Variants in TBL3 observed in about 807,000 individuals in gnomAD.
The protein encoded by TBL3 is transducin beta like 3, also known as transducin beta-like protein 3.
Under a neutral mutation model 102.7 loss-of-function variants are expected in TBL3, and 71 were observed. The ratio of observed to expected loss-of-function variants is 0.69; its 90% confidence interval spans 0.57 to 0.84. The LOEUF is 0.84. TBL3 is among the 40% of genes least tolerant of loss of function. The probability of loss-of-function intolerance (pLI) is 0.00; values close to 1 mark genes in which losing one functional copy is unlikely to be tolerated. For synonymous variants in TBL3, 578 were observed against 477.7 expected (o/e 1.21, Z -2.74); for missense variants, 1,188 against 1,098.5 (o/e 1.08, Z -1.15).
In TBL3 at chr16:1,974,961, G is replaced by A. The variant is rs1224055177; in HGVS notation, c.498G>A (p.Leu166=). ...LVAFHPDPTR[L]LLFSSATDAA... ...CCTTCCACCCGGACCCTACACGCCT[G>A]CTGCTCTTCTCCTCGGCCACGGATG... is the stretch of plus-strand genomic sequence containing the variant. Residue 166 remains leucine (L), a synonymous_variant, in exon 7 of 22, where the codon CTG becomes CTA. Coordinates refer to ENST00000568546, the MANE Select transcript of TBL3 (RefSeq NM_006453.3). The A allele has an allele frequency of 6.2e-7, 1 of 1,610,100 alleles. No individual in the cohort carries two copies. Among genetic ancestry groups the A allele is most frequent in the East Asian group, 2.2e-5 (1 of 44,874 alleles).
Position 1,978,785 on chromosome 16 carries a change from C to A in TBL3, c.*100C>A, listed in dbSNP as rs1038815441. The A allele has an allele frequency of 1.6e-5, 23 of 1,453,354 alleles. No homozygotes were observed. In the Admixed American group the frequency reaches 4.0e-4, roughly 26 times the overall value. The allele number at this position is 1,453,354 out of a possible 1,614,324, so 90.0% of individuals were successfully genotyped here. ...CTCTCTGGACTGCAGTCCAGCCCCC[C>A]ACCCTGGCCAACACCCTACCTAGCC... On this transcript the variant is annotated 3_prime_UTR_variant, in exon 22 of 22. Coordinates refer to ENST00000568546, the MANE Select transcript of TBL3 (RefSeq NM_006453.3).
chr16:1,974,244 C>G lies in TBL3; in HGVS notation c.141C>G (p.Val47=), dbSNP rs1567324058. The stretch of plus-strand genomic sequence containing the variant: ...TCTTCTGCGTCTGTGGCACCAGAGT[C>G]AACATTCTGGAAGTGGCCTCGGGGG... ...QHLFCVCGTR[V]NILEVASGAV... Residue 47 remains valine (V), a synonymous_variant, in exon 3 of 22, where the codon GTC becomes GTG. Coordinates refer to ENST00000568546, the MANE Select transcript of TBL3 (RefSeq NM_006453.3). 6.2e-7 allele frequency: 1 copy of G among 1,604,176 alleles called. No individual in the cohort carries two copies. Among genetic ancestry groups the G allele is most frequent in the Non-Finnish European group, 8.5e-7 (1 of 1,174,350 alleles).
At position 1,980,800 on chromosome 16, in the gene TBL3, C is replaced by T. The variant is rs900919218; in HGVS notation, c.*2115C>T. 35 of 1,509,728 alleles carry T rather than the reference C, an allele frequency of 2.3e-5. No individual in the cohort carries two copies. The highest frequency in any genetic ancestry group is 3.0e-5 in the Non-Finnish European group (33 of 1,106,146). 93.5% of individuals were successfully genotyped at this position (1,509,728 alleles called of 1,614,324 possible). On this transcript the variant is annotated 3_prime_UTR_variant, in exon 22 of 22. Transcript: ENST00000568546. Reference sequence around the variant, plus strand: ...GCACCCTTGAGAGGGCGGGGTCCCTCACCCGGATGGCAGGGGCTGGGAGCT... The same window carrying T: ...GCACCCTTGAGAGGGCGGGGTCCCTTACCCGGATGGCAGGGGCTGGGAGCT...
chr16:1,978,989 CCCTCCCCGCT>C lies in TBL3; in HGVS notation c.*312_*321del. The C allele has an allele frequency of 6.9e-7, 1 of 1,443,234 alleles. No individual in the cohort carries two copies. Among genetic ancestry groups the C allele is most frequent in the South Asian group, 1.3e-5 (1 of 77,620 alleles). 89.4% of individuals were successfully genotyped at this position (1,443,234 alleles called of 1,614,324 possible). A position where few individuals can be genotyped will look rare whatever the true frequency, so the allele number is the denominator to read the frequency against. On this transcript the variant is annotated 3_prime_UTR_variant, in exon 22 of 22. Coordinates refer to ENST00000568546, the MANE Select transcript of TBL3 (RefSeq NM_006453.3). The stretch of plus-strand genomic sequence containing the variant: ...CATCCCTGCTGGCCAGGGAGATCCG[CCCTCCCCGCT>C]CCTCCCCAGCCCTGGGATGGCGCGG...
Position 1,978,653 on chromosome 16 carries a change from C to G in TBL3, c.2395C>G (p.Pro799Ala), listed in dbSNP as rs1362400642. The G allele has an allele frequency of 1.9e-5, 31 of 1,612,448 alleles. No homozygotes were observed. The highest frequency in any genetic ancestry group is 5.0e-5 in the Admixed American group (3 of 59,992). Residue 799 changes from proline to alanine, a missense_variant, in exon 22 of 22, where the codon CCC becomes GCC. Pro to Ala is a conservative substitution (Grantham distance 27). Transcript: ENST00000568546. ...CCCTGTGCCGGCCGCCGCCCCCACC[C>G]CCTGGGAAACCCATAAAGGCGCACT... ...KLPVPAAAPT[P>A]WETHKGALP is the part of the protein sequence containing the mutation.
In TBL3 at chr16:1,980,660, A is replaced by C. The variant is rs773065486; in HGVS notation, c.*1975A>C. 21 of 1,605,948 alleles carry C rather than the reference A, an allele frequency of 1.3e-5. No homozygotes were observed. Among genetic ancestry groups the C allele is most frequent in the Middle Eastern group, 1.6e-4 (1 of 6,072 alleles). On this transcript the variant is annotated 3_prime_UTR_variant, in exon 22 of 22. Coordinates refer to ENST00000568546, the MANE Select transcript of TBL3 (RefSeq NM_006453.3). ...CCGTACCCAGGCTGGCCTGACCGAGAAGCTTTGGGAGAACGCGGTCAGATC... is the reference window on the plus strand; with the variant it reads ...CCGTACCCAGGCTGGCCTGACCGAGCAGCTTTGGGAGAACGCGGTCAGATC...
chr16:1,975,947 C>T lies in TBL3; in HGVS notation c.1127C>T (p.Thr376Met), dbSNP rs149329682. ...GCCTGCCAGATCCTCCACGGCCACA[C>T]GGGTGAGTGGGGCCAGCCCACCTGA... ...TSACQILHGH[T>M]DIVLALDVFR... Residue 376 changes from threonine (T) to methionine (M), a missense_variant and splice_region_variant, in exon 11 of 22, where the codon ACG becomes ATG. Physicochemically the swap from Thr to Met is moderately conservative, Grantham distance 81 (BLOSUM62 -1). Coordinates refer to ENST00000568546, the MANE Select transcript of TBL3 (RefSeq NM_006453.3). 5.7e-5 allele frequency: 92 copies of T among 1,614,174 alleles called. No homozygotes were observed. The highest frequency in any genetic ancestry group is 1.6e-4 in the Middle Eastern group (1 of 6,062).
In TBL3 at chr16:1,981,128, T is replaced by A. The variant is rs2083500673; in HGVS notation, c.*2443T>A. ...CCAGGTCTTACTTGGAGCCTCTTGATCTGCACCAGGGCTGCCCCTTGCACT... is the reference window on the plus strand; with the variant it reads ...CCAGGTCTTACTTGGAGCCTCTTGAACTGCACCAGGGCTGCCCCTTGCACT... On this transcript the variant is annotated 3_prime_UTR_variant, in exon 22 of 22. Coordinates refer to ENST00000568546, the MANE Select transcript of TBL3 (RefSeq NM_006453.3). 2 of 1,613,362 alleles carry A rather than the reference T, an allele frequency of 1.2e-6. No individual in the cohort carries two copies. The highest frequency in any genetic ancestry group is 1.7e-6 in the Non-Finnish European group (2 of 1,179,996).
In TBL3 at chr16:1,980,070, G is replaced by C. The variant is rs1428973106; in HGVS notation, c.*1385G>C. 46 of 1,607,644 alleles carry C rather than the reference G, an allele frequency of 2.9e-5. No homozygotes were observed. The highest frequency in any genetic ancestry group is 3.9e-5 in the Non-Finnish European group (46 of 1,178,562). On this transcript the variant is annotated 3_prime_UTR_variant, in exon 22 of 22. Coordinates refer to ENST00000568546, the MANE Select transcript of TBL3 (RefSeq NM_006453.3). ...GAAAAGGCCTATCCCGCGTGTCCTG[G>C]GTACAGAAGGGCTGCAGGCAGCGCA...
chr16:1,978,234 C>T lies in TBL3; in HGVS notation c.2134+14C>T. 6 of 1,612,752 alleles carry T rather than the reference C, an allele frequency of 3.7e-6. No individual in the cohort carries two copies. Among genetic ancestry groups the T allele is most frequent in the Non-Finnish European group, 5.1e-6 (6 of 1,179,914 alleles). On this transcript the variant is annotated intron_variant, in intron 20 of 21. Transcript: ENST00000568546. The stretch of plus-strand genomic sequence containing the variant: ...GCGACCAGAAAGGTTGGCGGCCAGT[C>T]AGGGTGGGTGGCCCGGTGGGCAAGG...
chr16:1,972,608 G>A (rs567497578), intron 1 of TBL3, among the ~76,000 whole-genome samples: 26 of 152,356 alleles, frequency 1.7e-4, no homozygotes, highest in African/African-American at 6.3e-4. Flanking sequence ...AGGGAGCAGG[G>A]AGAATGCAGG....
chr16:1,977,585 A>C lies in TBL3; in HGVS notation c.1814A>C (p.Glu605Ala), dbSNP rs1567326393. ...TGTGTGCGGACGCTGGATGCCCACG[A>C]GGACAAGGTCTGGGGGCTGCACTGC... ...NECVRTLDAH[E>A]DKVWGLHCSR... The change falls in exon 17 of 22, where the codon GAG (glutamate) becomes GCG (alanine). Residue 605 changes from glutamate to alanine, a missense_variant. Transcript: ENST00000568546. The C allele has an allele frequency of 6.3e-7, 1 of 1,577,366 alleles. No individual in the cohort carries two copies. Among genetic ancestry groups the C allele is most frequent in the Non-Finnish European group, 8.6e-7 (1 of 1,160,666 alleles).
At position 1,974,990 on chromosome 16, in the gene TBL3, C is replaced by T. The variant is rs767198693; in HGVS notation, c.527C>T (p.Ala176Val). 1.2e-6 allele frequency: 2 copies of T among 1,608,024 alleles called. No homozygotes were observed. Among genetic ancestry groups the T allele is most frequent in the South Asian group, 1.1e-5 (1 of 91,088 alleles). Reference sequence around the variant, plus strand: ...CTCTTCTCCTCGGCCACGGATGCCGCCATCCGCGTGTGGTCACTGCAGGAC... The same window carrying T: ...CTCTTCTCCTCGGCCACGGATGCCGTCATCCGCGTGTGGTCACTGCAGGAC... The part of the protein sequence containing the change: ...LLLFSSATDA[A>V]IRVWSLQDRS... Residue 176 changes from alanine to valine, a missense_variant, in exon 7 of 22, where the codon GCC becomes GTC. Coordinates refer to ENST00000568546, the MANE Select transcript of TBL3 (RefSeq NM_006453.3).
At position 1,975,575 on chromosome 16, in the gene TBL3, G is replaced by A. The variant is rs371993180; in HGVS notation, c.852G>A (p.Thr284=). Residue 284 remains threonine, a synonymous_variant, in exon 10 of 22, where the codon ACG becomes ACA. Coordinates refer to ENST00000568546, the MANE Select transcript of TBL3 (RefSeq NM_006453.3). ...CAGCTTCTGGGCAGTGTGTGTACAC[G>A]CAGGCCCAGCCGCCGGGCCCTGGGC... ...WEAASGQCVY[T]QAQPPGPGQE... 5.0e-5 allele frequency: 80 copies of A among 1,598,880 alleles called. No homozygotes were observed. The Admixed American group carries it at 5.5e-4, about 11-fold the overall frequency.
chr16:1,978,041 C>A lies in TBL3; in HGVS notation c.2042C>A (p.Thr681Asn), dbSNP rs1216335825. The change falls in exon 19 of 22, where the codon ACC (threonine) becomes AAC (asparagine). Residue 681 changes from threonine (T) to asparagine (N), a missense_variant. By Grantham distance (65) the Thr-to-Asn change is moderately conservative. Transcript: ENST00000568546. ...GLAISLDRPH[T>N]VLTVIQAIRR... ...GCCATCTCCCTGGATCGGCCCCACACCGTGCTGACTGTCATCCAGGGTCAG... is the reference window on the plus strand; with the variant it reads ...GCCATCTCCCTGGATCGGCCCCACAACGTGCTGACTGTCATCCAGGGTCAG... 6.2e-7 allele frequency: 1 copy of A among 1,606,268 alleles called. No individual in the cohort carries two copies. Among genetic ancestry groups the A allele is most frequent in the South Asian group, 1.1e-5 (1 of 90,186 alleles).
In TBL3 at chr16:1,979,010, C is replaced by T. The variant is rs1224681585; in HGVS notation, c.*325C>T. The T allele has an allele frequency of 3.3e-6, 5 of 1,510,524 alleles. No individual in the cohort carries two copies. Among genetic ancestry groups the T allele is most frequent in the Middle Eastern group, 2.3e-4 (1 of 4,362 alleles). 93.6% of individuals were successfully genotyped at this position (1,510,524 alleles called of 1,614,324 possible). A position where few individuals can be genotyped will look rare whatever the true frequency, so the allele number is the denominator to read the frequency against. Reference sequence around the variant, plus strand: ...TCCGCCCTCCCCGCTCCTCCCCAGCCCTGGGATGGCGCGGTCCATCCCCTC... The same window carrying T: ...TCCGCCCTCCCCGCTCCTCCCCAGCTCTGGGATGGCGCGGTCCATCCCCTC... On this transcript the variant is annotated 3_prime_UTR_variant, in exon 22 of 22. Coordinates refer to ENST00000568546, the MANE Select transcript of TBL3 (RefSeq NM_006453.3).
chr16:1,980,750 G>A lies in TBL3; in HGVS notation c.*2065G>A, dbSNP rs746845761. ...GGGTCTTCTGAGGGCGGGAACCAGGGCATTGGTCTTCCAGAGCCCACTGTG... is the reference window on the plus strand; with the variant it reads ...GGGTCTTCTGAGGGCGGGAACCAGGACATTGGTCTTCCAGAGCCCACTGTG... On this transcript the variant is annotated 3_prime_UTR_variant, in exon 22 of 22. Coordinates refer to ENST00000568546, the MANE Select transcript of TBL3 (RefSeq NM_006453.3). The A allele has an allele frequency of 6.9e-6, 11 of 1,583,138 alleles. No homozygotes were observed. Among genetic ancestry groups the A allele is most frequent in the Middle Eastern group, 1.7e-4 (1 of 6,016 alleles).
rs753255191 is a variant in TBL3, at chr16:1,975,199, CA to C, written c.650del (p.Lys217ArgfsTer39). The C allele has an allele frequency of 6.2e-7, 1 of 1,613,880 alleles. No homozygotes were observed. Among genetic ancestry groups the C allele is most frequent in the South Asian group, 1.1e-5 (1 of 91,088 alleles). On this transcript the variant is annotated frameshift_variant, in exon 8 of 22. Coordinates refer to ENST00000568546, the MANE Select transcript of TBL3 (RefSeq NM_006453.3). LOFTEE classifies it high-confidence loss of function. ...GTTGCTCCTTCAGCTCCGGCCGTGA[CA>C]AGATATGTATCATCTGGGACCTTCA... ...GHTMLSSGRD[K>X]ICIIWDLQSC...
At position 1,975,279 on chromosome 16, in the gene TBL3, G is replaced by T; in HGVS notation, c.711+17G>T. On this transcript the variant is annotated intron_variant, in intron 8 of 21. Coordinates refer to ENST00000568546, the MANE Select transcript of TBL3 (RefSeq NM_006453.3). ...GTGTTTGAGGTGGGGATGCCTGGAG[G>T]CCAGGGCTGGTTGAGTTGGGTGGGG... 6.2e-7 allele frequency: 1 copy of T among 1,613,998 alleles called. No individual in the cohort carries two copies. The highest frequency in any genetic ancestry group is 8.5e-7 in the Non-Finnish European group (1 of 1,180,026).
Sources: allele counts gnomAD v4.1 joint callset (sites outside exome capture counted in the v4.1 genomes callset), GRCh38; gene constraint gnomAD v4.1.1; transcripts MANE v1.5; gene names NCBI Gene and HGNC (gene_info 2026-07-23, HGNC 2026-07-21).